Variants in DST observed in about 807,000 individuals in gnomAD.
The protein encoded by DST is dystonin.
DST carries 253 observed loss-of-function variants against 875.2 expected under a neutral mutation model. The ratio of observed to expected loss-of-function variants is 0.29; its 90% confidence interval spans 0.26 to 0.32. The LOEUF (loss-of-function observed/expected upper bound fraction) is 0.32. Ranked by LOEUF, DST falls within the 10% of genes least tolerant of loss-of-function variation. The probability of loss-of-function intolerance (pLI) is 1.00; values close to 1 mark genes in which losing one functional copy is unlikely to be tolerated. For synonymous variants in DST, 3,124 were observed against 3,197.1 expected, an observed-to-expected ratio of 0.98 and a Z score of 0.77; for missense variants, 8,287 against 9,111.6, an observed-to-expected ratio of 0.91 and a Z score of 3.68.
chr6:56,535,316 CTTAT>C (rs751169097), intron 62 of DST, 24 bp from the exon 63 acceptor site: 6 of 1,550,176 alleles, frequency 3.9e-6, no homozygotes, highest in Non-Finnish European at 4.3e-6. Context: ...ATTGTTTCCA[CTTAT>C]TTATTTGTTT....
rs539218166 is a variant in DST at position 56,865,266 on chromosome 6, T to C, written c.418-13662A>G. ...CTCCCTGCTTCCCTAGTTTTCTGTG[T>C]GTGTGTGTGTGTGTGTGTGTGTGTG... On this transcript the variant is annotated intron_variant, in intron 3 of 103. Transcript: ENST00000680361. 1.1e-4 allele frequency among the ~76,000 whole-genome samples: 14 copies of C among 125,798 alleles called. 1 individual carries two copies. In the South Asian group the frequency reaches 3.2e-3, roughly 28 times the overall value. 82.5% of individuals were successfully genotyped at this position (125,798 alleles called of 152,430 possible).
chr6:56,747,359 G>C (rs917008656), intron 4 of DST, among the ~76,000 whole-genome samples: 3 of 152,138 alleles, frequency 2.0e-5, no homozygotes, highest in Non-Finnish European at 2.9e-5. Flanking sequence ...TGCAGTTGCT[G>C]AGCAGCTGAG....
chr6:56,830,633 G>A (rs1009594355), intron 4 of DST, among the ~76,000 whole-genome samples: 1 of 152,090 alleles, frequency 6.6e-6, no homozygotes, highest in East Asian at 1.9e-4. Context: ...AATTAACAAC[G>A]AAAGCAAGAG....
At chr6:56,585,935 T>A (rs897427681) in intron 49 of DST, among the ~76,000 whole-genome samples, 16 of 152,210 alleles carry the variant, frequency 1.1e-4, no homozygotes, top group African/African-American at 3.4e-4. Flanking sequence ...TGAGCTCTAG[T>A]TTGATTGCAC....
At chr6:56,591,649 G>T (rs910283792) in intron 49 of DST, among the ~76,000 whole-genome samples, 4 of 152,136 alleles carry the variant, frequency 2.6e-5, no homozygotes, top group African/African-American at 9.7e-5. Flanking sequence ...CACGTCACAA[G>T]CCATAACAGC....
At chr6:56,549,143 T>G (rs1206332102) in intron 61 of DST, among the ~76,000 whole-genome samples, 1 of 152,184 alleles carries the variant, frequency 6.6e-6, no homozygotes, top group Non-Finnish European at 1.5e-5. Flanking sequence ...GTCCAGTGAA[T>G]AGAAGGCACC....
intron 60 of DST, among the ~76,000 whole-genome samples, chr6:56,554,261 T>C (rs534736425): frequency 6.6e-6 from 1 of 151,892 alleles, no homozygotes; most frequent in East Asian, 1.9e-4. Flanking sequence ...ATTTTTTGTA[T>C]TTTTAGTAGA....
At position 56,489,561 on chromosome 6, in the gene DST, T is replaced by C. The variant is rs779438977; in HGVS notation, c.20806A>G (p.Lys6936Glu). The C allele has an allele frequency of 6.2e-7, 1 of 1,613,258 alleles. No individual in the cohort carries two copies. Among genetic ancestry groups the C allele is most frequent in the Non-Finnish European group, 8.5e-7 (1 of 1,179,472 alleles). Residue 6936 changes from lysine (K) to glutamate (E), a missense_variant, in exon 86 of 104, where the codon AAG becomes GAG. Coordinates refer to ENST00000680361, the MANE Select transcript of DST (RefSeq NM_001374736.1). ...ATTTCCAGTTCAGAATCCAAAGACT[T>C]TTCTGACTCTTCTAGCCACTCCATA... is the stretch of plus-strand genomic sequence containing the variant. ...KLMEWLEESEKSLDSELEIAN... is the reference protein window; with the variant it reads ...KLMEWLEESEESLDSELEIAN...
intron 78 of DST, among the ~76,000 whole-genome samples, 164 bp downstream of exon 78, chr6:56,503,833 C>T (rs915102064): frequency 1.3e-5 from 2 of 151,988 alleles, no homozygotes; most frequent in Admixed American, 6.6e-5. Flanking sequence ...ATTTAAAGAA[C>T]ACTTATATAT....
intron 4 of DST, among the ~76,000 whole-genome samples, chr6:56,774,020 A>G (rs2152981076): frequency 6.6e-6 from 1 of 151,412 alleles, no homozygotes; most frequent in Admixed American, 6.6e-5. Context: ...AGGCTGAGGC[A>G]GGAGAATCGC....
At chr6:56,543,783 C>CA (rs1369872345) in intron 61 of DST, among the ~76,000 whole-genome samples, 3 of 152,032 alleles carry the variant, frequency 2.0e-5, no homozygotes, top group Non-Finnish European at 2.9e-5. Flanking sequence ...GTTAATTTTA[C>CA]AGAAAAGATG....
chr6:56,492,098 C>A, intron 85 of DST, 129 bp downstream of exon 85: 2 of 848,750 alleles, frequency 2.4e-6, no homozygotes, highest in East Asian at 5.4e-5. Context: ...AGGAAAGAAC[C>A]ACCATGGCAC....
chr6:56,882,843 T>A (rs1782851878), intron 3 of DST, among the ~76,000 whole-genome samples: 9 of 152,136 alleles, frequency 5.9e-5, no homozygotes, highest in Admixed American at 5.9e-4. Flanking sequence ...AAGACAAAAG[T>A]CAAGCAATGT....
chr6:56,907,746 GA>G (rs1262169301), intron 2 of DST, among the ~76,000 whole-genome samples: 2 of 151,734 alleles, frequency 1.3e-5, no homozygotes, highest in Non-Finnish European at 2.9e-5. Context: ...GAATGAGGCA[GA>G]AATTGGAAAA....
At chr6:56,460,480 T>A in intron 102 of DST, 1 of 430,278 alleles carries the variant, frequency 2.3e-6, no homozygotes. Context: ...ACAATATGAA[T>A]TCATGGTTGA....
chr6:56,572,963 T>C lies in DST; in HGVS notation c.13338A>G (p.Ser4446=), dbSNP rs767823587. The part of the protein sequence containing the change: ...METTDPSTAS[S]LQAKMKDLSA... ...ACAAGTCTTTCATTTTGGCTTGCAG[T>C]GAGGATGCAGTGGATGGATCTGTTG... Residue 4446 remains serine (S), a synonymous_variant, in exon 52 of 104, where the codon TCA becomes TCG. Transcript: ENST00000680361. 1.2e-6 allele frequency: 2 copies of C among 1,612,422 alleles called. No homozygotes were observed. Among genetic ancestry groups the C allele is most frequent in the Non-Finnish European group, 1.7e-6 (2 of 1,179,268 alleles).
chr6:56,642,167 A>G, intron 16 of DST, 66 bp from the exon 17 acceptor site: 1 of 1,331,854 alleles, frequency 7.5e-7, no homozygotes, highest in Non-Finnish European at 1.1e-6. Context: ...GAAATATAAA[A>G]CATCAAATAT....
intron 4 of DST, among the ~76,000 whole-genome samples, chr6:56,782,804 A>G (rs954951387): frequency 1.3e-4 from 19 of 151,850 alleles, no homozygotes; most frequent in Non-Finnish European, 2.2e-4. Flanking sequence ...TAGTTCTTTT[A>G]ATTGTGATGT....
chr6:56,741,943 AT>A (rs2099548266), intron 4 of DST, among the ~76,000 whole-genome samples: 1 of 152,186 alleles, frequency 6.6e-6, no homozygotes. Flanking sequence ...GAATAACAGA[AT>A]TGGGGGGGAA....
Sources: gnomAD v4.1 joint callset for allele counts (sites outside exome capture counted in the v4.1 genomes callset) on GRCh38, gnomAD v4.1.1 for gene constraint, MANE v1.5 for transcripts, NCBI Gene and HGNC (gene_info 2026-07-23, HGNC 2026-07-21) for gene names.